The following NAV3 variants were observed in gnomAD, a reference collection of about 807,000 sequenced individuals.
The protein encoded by NAV3 is neuron navigator 3.
NAV3 carries 87 observed loss-of-function variants against 244.7 expected under a neutral mutation model. The ratio of observed to expected loss-of-function variants is 0.36; its 90% CI spans 0.30 to 0.42. The LOEUF (loss-of-function observed/expected upper bound fraction) is 0.42, where lower values mean the gene tolerates loss of function less well. NAV3 is among the 20% of genes least tolerant of loss of function. The pLI is 1.00. For synonymous variants in NAV3, 1,126 were observed against 1,042.2 expected (o/e 1.08, Z -1.55); for missense variants, 2,663 against 2,893.3 (o/e 0.92, Z 1.83).
chr12:77,709,912 C>T (rs1002191696), intron 2 of NAV3, among the ~76,000 whole-genome samples: 1 of 152,160 alleles, frequency 6.6e-6, no homozygotes, highest in African/African-American at 2.4e-5. Context: ...GCACTGAAGA[C>T]TGAGCCAAAC....
chr12:77,822,653 C>A (rs1341058272), intron 2 of NAV3, among the ~76,000 whole-genome samples: 1 of 151,942 alleles, frequency 6.6e-6, no homozygotes, highest in Admixed American at 6.6e-5. Flanking sequence ...TGAAGCCAGG[C>A]CTGGATAATA....
chr12:78,020,349 C>A (rs1876938881), intron 8 of NAV3, among the ~76,000 whole-genome samples: 2 of 152,092 alleles, frequency 1.3e-5, no homozygotes, highest in African/African-American at 4.8e-5. Context: ...AATTTAGCTA[C>A]TTTGAGGTCT....
At chr12:78,019,874 CT>C (rs1876858705) in intron 8 of NAV3, among the ~76,000 whole-genome samples, 1 of 152,086 alleles carries the variant, frequency 6.6e-6, no homozygotes, top group Non-Finnish European at 1.5e-5. Context: ...AATATTATGA[CT>C]TTAGTTCTAT....
At chr12:77,600,973 A>T (rs953645673) in intron 2 of NAV3, among the ~76,000 whole-genome samples, 2 of 152,004 alleles carry the variant, frequency 1.3e-5, no homozygotes, top group Non-Finnish European at 2.9e-5. Context: ...ATGAAAGAAG[A>T]TACAAATTAT....
chr12:78,152,087 C>A (rs1160072888), intron 22 of NAV3, among the ~76,000 whole-genome samples: 1 of 151,554 alleles, frequency 6.6e-6, no homozygotes, highest in Non-Finnish European at 1.5e-5. Flanking sequence ...CCTTAATCCT[C>A]TCTTTAGTGT....
chr12:78,060,922 G>A (rs1417603935), intron 12 of NAV3, among the ~76,000 whole-genome samples: 2 of 152,122 alleles, frequency 1.3e-5, no homozygotes, highest in Non-Finnish European at 2.9e-5. Flanking sequence ...CTTTGGTTTG[G>A]GGACAGTGGG....
At chr12:78,065,472 G>A (rs1311015132) in intron 12 of NAV3, among the ~76,000 whole-genome samples, 1 of 152,148 alleles carries the variant, frequency 6.6e-6, no homozygotes, top group East Asian at 1.9e-4. Context: ...CATTGAAAGA[G>A]TGAATAAAGG....
intron 2 of NAV3, among the ~76,000 whole-genome samples, chr12:77,766,396 A>G (rs1437440101): frequency 6.6e-6 from 1 of 152,184 alleles, no homozygotes; most frequent in African/African-American, 2.4e-5. Flanking sequence ...TATTCTTTTT[A>G]TCTTAGTCTC....
At chr12:77,990,964 T>G (rs1466129410) in intron 5 of NAV3, among the ~76,000 whole-genome samples, 1 of 152,212 alleles carries the variant, frequency 6.6e-6, no homozygotes, top group African/African-American at 2.4e-5. Context: ...ACAACACTTA[T>G]GGTGCTGGTT....
At chr12:77,746,734 A>G (rs1200747046) in intron 2 of NAV3, among the ~76,000 whole-genome samples, 1 of 152,124 alleles carries the variant, frequency 6.6e-6, no homozygotes, top group East Asian at 1.9e-4. Flanking sequence ...ATTAGGAAGG[A>G]ATATTTCTCT....
At chr12:77,824,240 AATTT>A (rs1185995830) in intron 2 of NAV3, among the ~76,000 whole-genome samples, 1 of 117,542 alleles carries the variant, frequency 8.5e-6, no homozygotes, top group Non-Finnish European at 1.7e-5. Context: ...CGCCCAACTA[AATTT>A]TTTTTTTTTT....
intron 2 of NAV3, among the ~76,000 whole-genome samples, chr12:77,696,461 A>G (rs1875305031): frequency 6.6e-6 from 1 of 152,232 alleles, no homozygotes; most frequent in East Asian, 1.9e-4. Flanking sequence ...CAATAACCAT[A>G]TGCGTTCTGA....
intron 3 of NAV3, among the ~76,000 whole-genome samples, chr12:77,956,214 C>G (rs1317515990): frequency 6.6e-6 from 1 of 152,078 alleles, no homozygotes; most frequent in Non-Finnish European, 1.5e-5. Flanking sequence ...ACTAAAACAT[C>G]TTATCTATTT....
At chr12:77,573,531 G>T (rs1216912246) in intron 2 of NAV3, among the ~76,000 whole-genome samples, 1 of 152,122 alleles carries the variant, frequency 6.6e-6, no homozygotes, top group Admixed American at 6.6e-5. Context: ...TTACAAATAA[G>T]TTTGTTGGTG....
intron 7 of NAV3, among the ~76,000 whole-genome samples, chr12:78,001,414 A>T (rs1315771745): frequency 6.6e-6 from 1 of 152,244 alleles, no homozygotes; most frequent in Non-Finnish European, 1.5e-5. Context: ...GATGAGTTAC[A>T]TAAATCAGTT....
chr12:78,126,721 T>C (rs960255068), intron 16 of NAV3, among the ~76,000 whole-genome samples: 9 of 152,178 alleles, frequency 5.9e-5, no homozygotes, highest in African/African-American at 2.2e-4. Context: ...AAAAATAATT[T>C]GAAGACAAAA....
At chr12:77,704,536 C>T (rs1875704025) in intron 2 of NAV3, among the ~76,000 whole-genome samples, 1 of 152,110 alleles carries the variant, frequency 6.6e-6, no homozygotes, top group African/African-American at 2.4e-5. Context: ...GATTTAATTA[C>T]CTCATATAAA....
intron 1 of NAV3, among the ~76,000 whole-genome samples, chr12:77,856,447 A>G (rs1483045524): frequency 1.3e-5 from 2 of 152,110 alleles, no homozygotes; most frequent in African/African-American, 4.8e-5. Flanking sequence ...TTTGTTTCCT[A>G]TGTTCTAAGG....
chr12:77,789,612 C>G (rs1871081251), intron 2 of NAV3, among the ~76,000 whole-genome samples: 1 of 151,524 alleles, frequency 6.6e-6, no homozygotes, highest in Non-Finnish European at 1.5e-5. Context: ...GAGTTCAAGA[C>G]CAGCCTGGCC....
Sources: allele counts gnomAD v4.1 joint callset (sites outside exome capture counted in the v4.1 genomes callset), GRCh38; gene constraint gnomAD v4.1.1; transcripts MANE v1.5; gene names NCBI Gene and HGNC (gene_info 2026-07-23, HGNC 2026-07-21).